Variants in OCA2 observed in about 807,000 individuals in gnomAD.
The protein encoded by OCA2 is P protein.
In OCA2, 77 loss-of-function variants were observed where a neutral mutation model predicts 100.2. The ratio of observed to expected loss-of-function variants is 0.77; its 90% CI spans 0.64 to 0.93. OCA2 has a LOEUF of 0.93. OCA2 is among the 40% of genes least tolerant of loss of function. OCA2 has a pLI of 0.00. For synonymous variants in OCA2, 432 were observed against 439.2 expected (o/e 0.98, Z 0.21); for missense variants, 1,062 against 1,089.1 (o/e 0.98, Z 0.35).
At chr15:27,812,131 G>A (rs1379130418) in intron 23 of OCA2, among the ~76,000 whole-genome samples, 1 of 152,100 alleles carries the variant, frequency 6.6e-6, no homozygotes, top group Non-Finnish European at 1.5e-5. Context: ...TGCAACCATG[G>A]GATAAATGCT....
intron 1 of OCA2, among the ~76,000 whole-genome samples, chr15:28,086,390 C>T (rs1178645292): frequency 6.6e-6 from 1 of 152,164 alleles, no homozygotes; most frequent in Non-Finnish European, 1.5e-5. Flanking sequence ...CCACAACCAC[C>T]CAGCAATAAG....
In OCA2 at chr15:27,983,396, G is replaced by A. The variant is rs771155994; in HGVS notation, c.1452C>T (p.Ile484=). 3.8e-5 allele frequency: 62 copies of A among 1,614,048 alleles called. No individual in the cohort carries two copies. The highest frequency in any genetic ancestry group is 5.0e-5 in the Admixed American group (3 of 59,994). Residue 484 remains isoleucine, a synonymous_variant, in exon 14 of 24, where the codon ATC becomes ATT. Coordinates refer to ENST00000354638, the MANE Select transcript of OCA2 (RefSeq NM_000275.3). ...CAATAATGACATTTGGAGGGTCCCC[G>A]ATGGCAGTGGCAGCTCCTCCAATGT... is the stretch of plus-strand genomic sequence containing the variant. ...FTNIGGAATA[I]GDPPNVIIVS...
intron 18 of OCA2, among the ~76,000 whole-genome samples, chr15:27,932,948 G>A (rs1282793962): frequency 1.3e-5 from 2 of 150,098 alleles, no homozygotes; most frequent in East Asian, 3.9e-4. Context: ...AATGTTCAGT[G>A]TTCAACCAAA....
chr15:27,945,118 G>T (rs891322463), intron 18 of OCA2, among the ~76,000 whole-genome samples: 1 of 152,198 alleles, frequency 6.6e-6, no homozygotes, highest in South Asian at 2.1e-4. Context: ...TAGCTGAAAT[G>T]AATCTTACTA....
Position 28,050,540 on chromosome 15 carries a change from G to A in OCA2, c.228-18377C>T, listed in dbSNP as rs530327622. ...CGTGCCACTGTACTCCAGCCTGGGT[G>A]ACAGGGTGAGACTCCATCTCAAAAA... On this transcript the variant is annotated intron_variant, in intron 2 of 23. Coordinates refer to ENST00000354638, the MANE Select transcript of OCA2 (RefSeq NM_000275.3). 4.1e-5 allele frequency among the ~76,000 whole-genome samples: 6 copies of A among 145,752 alleles called. No homozygotes were observed. In the South Asian group the frequency reaches 1.1e-3, roughly 28 times the overall value.
intron 9 of OCA2, among the ~76,000 whole-genome samples, chr15:27,996,975 G>C (rs2041747827): frequency 1.4e-5 from 2 of 142,764 alleles, no homozygotes; most frequent in Admixed American, 1.5e-4. Flanking sequence ...ACCAAAGCCA[G>C]ATAAGGACAC....
At chr15:27,733,678 C>T in the OCA2 span, among the ~76,000 whole-genome samples, 3 of 151,960 alleles carry the variant, frequency 2.0e-5, no homozygotes, top group African/African-American at 4.8e-5. Context: ...TCTAAAGCTG[C>T]GTGATATGCA....
At position 27,957,593 on chromosome 15, in the gene OCA2, G is replaced by A; in HGVS notation, c.1779C>T (p.Phe593=). ...AGCAGGACCCCGCCCGGTACCTGTG[G>A]AAGGTGTGCAGCCTCCGGGCGAGCA... The part of the protein sequence containing the change: ...EHLLARRLHT[F]HRQISQEDKN... Residue 593 remains phenylalanine, a synonymous_variant, in exon 16 of 24, where the codon TTC becomes TTT. Transcript: ENST00000354638. This position sits in a 1 kb window ranked among gnomAD's most constrained non-coding sequence, Gnocchi z 4.3. 6.2e-7 allele frequency: 1 copy of A among 1,612,552 alleles called. No individual in the cohort carries two copies. The highest frequency in any genetic ancestry group is 8.5e-7 in the Non-Finnish European group (1 of 1,179,856).
chr15:28,022,722 A>AAATATTAT, intron 5 of OCA2, 149 bp from the exon 6 acceptor site: 1 of 691,958 alleles, frequency 1.4e-6, no homozygotes. Flanking sequence ...GCTTTGTCTT[A>AAATATTAT]AATATTATAA....
At chr15:27,824,602 C>CTCTATATA in intron 23 of OCA2, among the ~76,000 whole-genome samples, 1 of 47,594 alleles carries the variant, frequency 2.1e-5, no homozygotes, top group African/African-American at 1.6e-4. Context: ...CTCTCTCTCT[C>CTCTATATA]TATATATATA....
At chr15:27,730,335 G>A in the OCA2 span, among the ~76,000 whole-genome samples, 1 of 152,112 alleles carries the variant, frequency 6.6e-6, no homozygotes, top group African/African-American at 2.4e-5. Context: ...TCTGCAGGTT[G>A]GAAGAGATGC....
chr15:27,809,553 C>G (rs1566980867), intron 23 of OCA2, among the ~76,000 whole-genome samples: 1 of 152,050 alleles, frequency 6.6e-6, no homozygotes, highest in Non-Finnish European at 1.5e-5. Context: ...GAAGGGTATC[C>G]AAATCAGAAA....
At chr15:28,024,274 T>C (rs2042681767) in intron 5 of OCA2, among the ~76,000 whole-genome samples, 1 of 152,190 alleles carries the variant, frequency 6.6e-6, no homozygotes, top group Non-Finnish European at 1.5e-5. Flanking sequence ...CCACACTCTG[T>C]TCCCTACAAG....
intron 18 of OCA2, among the ~76,000 whole-genome samples, chr15:27,934,862 C>A (rs1014763880): frequency 6.6e-6 from 1 of 152,186 alleles, no homozygotes; most frequent in African/African-American, 2.4e-5. Flanking sequence ...CTTGTCCCTG[C>A]AAAACCTCAA....
intron 1 of OCA2, among the ~76,000 whole-genome samples, chr15:28,091,120 T>C (rs893414902): frequency 6.6e-6 from 1 of 152,216 alleles, no homozygotes; most frequent in Non-Finnish European, 1.5e-5. Flanking sequence ...AAAGCACAAA[T>C]TACTATAACT....
intron 2 of OCA2, among the ~76,000 whole-genome samples, chr15:28,054,527 G>A (rs1453962777): frequency 6.6e-6 from 1 of 151,998 alleles, no homozygotes; most frequent in Non-Finnish European, 1.5e-5. Context: ...CCTGACACAG[G>A]GCCCAAATGT....
the OCA2 span, among the ~76,000 whole-genome samples, chr15:27,738,119 T>A: frequency 0.35 from 52,542 of 152,002 alleles, 9,362 homozygotes; most frequent in East Asian, 0.63. Flanking sequence ...TCTTGAACCT[T>A]TGCTCACTCT....
At chr15:28,007,235 T>G (rs1381654484) in intron 9 of OCA2, among the ~76,000 whole-genome samples, 1 of 152,218 alleles carries the variant, frequency 6.6e-6, no homozygotes, top group Non-Finnish European at 1.5e-5. Flanking sequence ...GTCTCATTTA[T>G]GTTGTGAAAT....
intron 14 of OCA2, among the ~76,000 whole-genome samples, chr15:27,972,007 G>A (rs374913756): frequency 2.6e-5 from 4 of 151,990 alleles, no homozygotes; most frequent in African/African-American, 9.7e-5. Flanking sequence ...CAATGTTCTC[G>A]TTACCAGTGT....
Sources: gnomAD v4.1 joint callset for allele counts (sites outside exome capture counted in the v4.1 genomes callset) on GRCh38, gnomAD v4.1.1 for gene constraint, Gnocchi (gnomAD v3.1) non-coding constraint, MANE v1.5 for transcripts, NCBI Gene and HGNC (gene_info 2026-07-23, HGNC 2026-07-21) for gene names.